DPF3: variants seen among roughly 807,000 people sequenced by gnomAD.
The protein encoded by DPF3 is double PHD fingers 3, also known as zinc finger protein DPF3.
Under a neutral mutation model 56.8 loss-of-function variants are expected in DPF3, and 18 were observed. The ratio of observed to expected loss-of-function variants is 0.32; its 90% CI spans 0.22 to 0.47. The LOEUF is 0.47. DPF3 is among the 20% of genes least tolerant of loss of function. The pLI, the probability that DPF3 is intolerant of heterozygous loss-of-function variation, is 1.00. For synonymous variants in DPF3, 188 were observed against 180.2 expected, an observed-to-expected ratio of 1.04 and a Z score of -0.35; for missense variants, 403 against 488.8, an observed-to-expected ratio of 0.82 and a Z score of 1.65.
At chr14:72,783,605 C>A (rs889362814) in intron 1 of DPF3, among the ~76,000 whole-genome samples, 2 of 152,234 alleles carry the variant, frequency 1.3e-5, no homozygotes, top group African/African-American at 4.8e-5. Flanking sequence ...ACACTCAAAT[C>A]TTGATCATGG....
intron 1 of DPF3, among the ~76,000 whole-genome samples, chr14:72,799,985 G>T (rs922816380): frequency 6.6e-6 from 1 of 152,166 alleles, no homozygotes; most frequent in African/African-American, 2.4e-5. Context: ...TTAGTTACAT[G>T]AGCCCACACA....
intron 1 of DPF3, chr14:72,879,832 C>A: frequency 1.3e-6 from 2 of 1,535,586 alleles, no homozygotes; most frequent in Non-Finnish European, 1.7e-6. Context: ...CCAGGGCATC[C>A]AGAGATGGGC....
At chr14:72,620,977 C>T (rs1469054338) in intron 9 of DPF3, among the ~76,000 whole-genome samples, 1 of 152,116 alleles carries the variant, frequency 6.6e-6, no homozygotes, top group Non-Finnish European at 1.5e-5. Context: ...CCCATCTCTA[C>T]TAACAATACA....
intron 1 of DPF3, among the ~76,000 whole-genome samples, chr14:72,887,178 CACACACACACACACACACAA>C (rs989373395): frequency 6.9e-6 from 1 of 143,942 alleles, no homozygotes; most frequent in African/African-American, 2.6e-5. Flanking sequence ...CACACACACA[CACACACACACACACACACAA>C]AAGGAAGCAA....
At chr14:72,652,356 T>A (rs1885936275) in intron 8 of DPF3, among the ~76,000 whole-genome samples, 1 of 152,206 alleles carries the variant, frequency 6.6e-6, no homozygotes, top group Admixed American at 6.5e-5. Context: ...CTGTCCTTAA[T>A]TTCCCTCCTC....
chr14:72,735,878 C>T (rs188433632), intron 3 of DPF3, among the ~76,000 whole-genome samples: 1 of 152,066 alleles, frequency 6.6e-6, no homozygotes, highest in Admixed American at 6.5e-5. Flanking sequence ...AATCCACACA[C>T]AAAAAAACTA....
At chr14:72,872,296 C>T (rs1274740525) in intron 1 of DPF3, among the ~76,000 whole-genome samples, 4 of 152,188 alleles carry the variant, frequency 2.6e-5, no homozygotes, top group Admixed American at 2.6e-4. Flanking sequence ...TCTGACATGG[C>T]CTGGAGACAT....
intron 1 of DPF3, among the ~76,000 whole-genome samples, chr14:72,807,419 T>G (rs34320491): frequency 6.6e-6 from 1 of 152,020 alleles, no homozygotes; most frequent in South Asian, 2.1e-4. Context: ...TATTGACAGG[T>G]TAAAGGCCTG....
At chr14:72,890,700 G>C (rs1170910127) in intron 1 of DPF3, among the ~76,000 whole-genome samples, 1 of 152,094 alleles carries the variant, frequency 6.6e-6, no homozygotes, top group African/African-American at 2.4e-5. Context: ...AGACAATGTA[G>C]CTGCTAAATT....
At chr14:72,785,106 T>C (rs1892156070) in intron 1 of DPF3, among the ~76,000 whole-genome samples, 2 of 152,088 alleles carry the variant, frequency 1.3e-5, no homozygotes, top group African/African-American at 4.8e-5. Context: ...GGCAACATAG[T>C]GAGATCCCCG....
intron 3 of DPF3, among the ~76,000 whole-genome samples, chr14:72,749,966 C>T (rs1890498473): frequency 6.6e-6 from 1 of 152,162 alleles, no homozygotes; most frequent in Admixed American, 6.5e-5. Flanking sequence ...ATGCCTGAAG[C>T]CAGATAAACC....
intron 3 of DPF3, among the ~76,000 whole-genome samples, chr14:72,734,113 TA>T (rs1889789012): frequency 6.6e-6 from 1 of 152,166 alleles, no homozygotes; most frequent in Non-Finnish European, 1.5e-5. Context: ...ACTAGGGACA[TA>T]GGAGGTGAAC....
chr14:72,722,926 G>C (rs1889241139), intron 5 of DPF3, among the ~76,000 whole-genome samples: 1 of 151,960 alleles, frequency 6.6e-6, no homozygotes, highest in Non-Finnish European at 1.5e-5. Context: ...GGACCCCTGG[G>C]ATGGTCTCAA....
At chr14:72,802,754 A>C (rs569396257) in intron 1 of DPF3, among the ~76,000 whole-genome samples, 51 of 152,342 alleles carry the variant, frequency 3.3e-4, no homozygotes, top group African/African-American at 1.2e-3. Flanking sequence ...AGCAAGGCTA[A>C]AGACTGTTCT....
intron 2 of DPF3, among the ~76,000 whole-genome samples, chr14:72,762,973 C>CAGAAAT (rs1201914959): frequency 6.6e-6 from 1 of 151,450 alleles, no homozygotes; most frequent in African/African-American, 2.4e-5. Flanking sequence ...TAGCAAACAT[C>CAGAAAT]AGAAATTAAA....
At chr14:72,781,778 A>C (rs1891985636) in intron 1 of DPF3, among the ~76,000 whole-genome samples, 1 of 152,124 alleles carries the variant, frequency 6.6e-6, no homozygotes, top group African/African-American at 2.4e-5. Flanking sequence ...TCTTGTACCC[A>C]AGGTTTGCCT....
chr14:72,814,395 C>T (rs1883195291), intron 1 of DPF3, among the ~76,000 whole-genome samples: 1 of 152,172 alleles, frequency 6.6e-6, no homozygotes, highest in Non-Finnish European at 1.5e-5. Context: ...TTTATATTCT[C>T]TACAGTGCCT....
At chr14:72,771,626 C>T in intron 2 of DPF3, 107 bp downstream of exon 2, 2 of 1,411,024 alleles carry the variant, frequency 1.4e-6, no homozygotes, top group Non-Finnish European at 1.9e-6. Flanking sequence ...CAGCTTGCCC[C>T]ACCCCGATCC....
intron 7 of DPF3, among the ~76,000 whole-genome samples, chr14:72,685,810 G>A (rs1451629690): frequency 6.6e-6 from 1 of 152,194 alleles, no homozygotes; most frequent in Non-Finnish European, 1.5e-5. Flanking sequence ...CACATTTCTA[G>A]GTAATTAGGC....
Sources: allele counts gnomAD v4.1 joint callset (sites outside exome capture counted in the v4.1 genomes callset), GRCh38; gene constraint gnomAD v4.1.1; transcripts MANE v1.5; gene names NCBI Gene and HGNC (gene_info 2026-07-23, HGNC 2026-07-21).